Variants in SFXN2 observed in about 807,000 individuals in gnomAD.
The protein encoded by SFXN2 is sideroflexin-2.
A neutral mutation model predicts 41.9 loss-of-function variants in SFXN2; 37 were observed. The observed-to-expected ratio is 0.88, with a 90% CI of 0.68 to 1.16. The LOEUF (loss-of-function observed/expected upper bound fraction) is 1.16. Among genes scored for constraint, SFXN2 ranks in the 50% most tolerant of loss-of-function variants. The pLI, the probability that SFXN2 is intolerant of heterozygous loss-of-function variation, is 0.00. For missense variants in SFXN2, 386 were observed against 425.2 expected (o/e 0.91, Z 0.81); for synonymous variants, 150 against 156.7 (o/e 0.96, Z 0.32).
rs546099611 is a variant in SFXN2, at chr10:102,742,853, T to G, written c.*5091T>G. The G allele has an allele frequency of 6.6e-6, 1 of 152,236 alleles. No individual in the cohort carries two copies. Among genetic ancestry groups the G allele is most frequent in the Non-Finnish European group, 1.5e-5 (1 of 68,054 alleles). 9.4% of individuals were successfully genotyped at this position (152,236 alleles called of 1,614,324 possible). ...AAAGAAGAAGAAGAAAGACCTGGTA[T>G]GCTGTACAAAAAACTGCAAACCAGG... is the stretch of plus-strand genomic sequence containing the variant. On this transcript the variant is annotated 3_prime_UTR_variant, in exon 12 of 12. Transcript: ENST00000369893.
At position 102,735,881 on chromosome 10, in the gene SFXN2, G is replaced by A. The variant is rs573625364; in HGVS notation, c.841G>A (p.Val281Met). Residue 281 changes from valine (V) to methionine (M), a missense_variant, in exon 11 of 12, where the codon GTG becomes ATG. Physicochemically the swap from Val to Met is conservative, Grantham distance 21. Transcript: ENST00000369893. ...SGCFLIFMVP[V>M]ACGLFPQKCE... ...TTGCAGCCTCATCTTCATGGTGCCA[G>A]TGGCGTGTGGGCTTTTCCCACAGAA... The A allele has an allele frequency of 3.1e-5, 50 of 1,614,164 alleles. No homozygotes were observed. The Middle Eastern group carries it at 8.2e-4, about 27-fold the overall frequency.
rs999175115 is a variant in SFXN2, at chr10:102,742,928, G to C, written c.*5166G>C. On this transcript the variant is annotated 3_prime_UTR_variant, in exon 12 of 12. Coordinates refer to ENST00000369893, the MANE Select transcript of SFXN2 (RefSeq NM_178858.6). ...ATCCAGAAGAAGCAGCAAGGAGATG[G>C]GGCTAGGAGTTTGTAAGCAGGGAAC... is the stretch of plus-strand genomic sequence containing the variant. The C allele has an allele frequency of 2.6e-5, 4 of 152,224 alleles. No homozygotes were observed. The highest frequency in any genetic ancestry group is 6.5e-5 in the Admixed American group (1 of 15,276). 9.4% of individuals were successfully genotyped at this position (152,224 alleles called of 1,614,324 possible). A position where few individuals can be genotyped will look rare whatever the true frequency, so the allele number is the denominator to read the frequency against.
chr10:102,724,381 GATTTCCAAC>G (rs1165207799), intron 1 of SFXN2, among the ~76,000 whole-genome samples: 1 of 152,110 alleles, frequency 6.6e-6, no homozygotes, highest in Non-Finnish European at 1.5e-5. Flanking sequence ...CAGTATTTTT[GATTTCCAAC>G]ATTTCCTTTT....
intron 1 of SFXN2, chr10:102,714,999 A>C (rs1201971215): frequency 6.6e-6 from 1 of 152,520 alleles, no homozygotes; most frequent in Non-Finnish European, 1.5e-5. Flanking sequence ...CCCTGAGGTG[A>C]GCTGAAAGCA....
chr10:102,729,573 T>G, intron 5 of SFXN2, 150 bp from the exon 6 acceptor site: 1 of 1,102,540 alleles, frequency 9.1e-7, no homozygotes, highest in Non-Finnish European at 1.3e-6. Context: ...TCTTGGGCCT[T>G]TGAGGGAGTT....
chr10:102,733,442 C>T, intron 9 of SFXN2, 112 bp from the exon 10 acceptor site: 1 of 843,570 alleles, frequency 1.2e-6, no homozygotes, highest in South Asian at 1.5e-5. Flanking sequence ...GCCACTGCGC[C>T]CAGCCACCTG....
At chr10:102,721,658 T>A (rs1367228014) in intron 1 of SFXN2, among the ~76,000 whole-genome samples, 1 of 148,648 alleles carries the variant, frequency 6.7e-6, no homozygotes, top group Non-Finnish European at 1.5e-5. Flanking sequence ...TATATTATAG[T>A]ATACAAATAT....
rs553048966 is a variant in SFXN2, at chr10:102,740,958, C to T, written c.*3196C>T. On this transcript the variant is annotated 3_prime_UTR_variant, in exon 12 of 12. Transcript: ENST00000369893. ...TCAAGCCTCTTGGATTTCCTGTTCT[C>T]TTATAGACAACTGCTCTTTTGGAAA... 7 of 152,304 alleles carry T rather than the reference C, an allele frequency of 4.6e-5. No homozygotes were observed. The highest frequency in any genetic ancestry group is 1.7e-4 in the African/African-American group (7 of 41,560). The allele number at this position is 152,304 out of a possible 1,614,324, so 9.4% of individuals were successfully genotyped here. A position where few individuals can be genotyped will look rare whatever the true frequency, so the allele number is the denominator to read the frequency against.
Position 102,715,512 on chromosome 10 carries a change from A to C in SFXN2, c.-26+831A>C, listed in dbSNP as rs568011375. Among the ~76,000 whole-genome samples, 10 of 152,302 alleles carry C rather than the reference A, an allele frequency of 6.6e-5. No individual in the cohort carries two copies. The South Asian group carries it at 2.1e-3, about 32-fold the overall frequency. On this transcript the variant is annotated intron_variant, in intron 1 of 11. Coordinates refer to ENST00000369893, the MANE Select transcript of SFXN2 (RefSeq NM_178858.6). ...TCCCTTTCCCGATGCAGAGGACTAT[A>C]AGAAGAGTTTACACAAACGTGCTAG...
Position 102,731,824 on chromosome 10 carries a change from C to T in SFXN2, c.654+41C>T, listed in dbSNP as rs199832275. On this transcript the variant is annotated intron_variant, in intron 7 of 11. Transcript: ENST00000369893. Reference sequence around the variant, plus strand: ...CCTTTGGGGTGGGAGGAGGGAATTCCCTCTCATACCCTGTCCCCTCCTTAG... The same window carrying T: ...CCTTTGGGGTGGGAGGAGGGAATTCTCTCTCATACCCTGTCCCCTCCTTAG... The T allele has an allele frequency of 3.2e-6, 5 of 1,562,972 alleles. No individual in the cohort carries two copies. The East Asian group carries it at 1.1e-4, about 35-fold the overall frequency.
chr10:102,729,697 C>T, intron 5 of SFXN2, 26 bp from the exon 6 acceptor site: 1 of 1,612,230 alleles, frequency 6.2e-7, no homozygotes, highest in Admixed American at 1.7e-5. Context: ...TTCTGAACAA[C>T]TCCTACTGTT....
At chr10:102,736,847 C>T (rs1042673562) in intron 11 of SFXN2, among the ~76,000 whole-genome samples, 6 of 151,292 alleles carry the variant, frequency 4.0e-5, no homozygotes, top group African/African-American at 7.3e-5. Context: ...CACCGTTCCC[C>T]GTTGGTCGTT....
At chr10:102,736,261 T>G (rs1679731673) in intron 11 of SFXN2, among the ~76,000 whole-genome samples, 1 of 152,022 alleles carries the variant, frequency 6.6e-6, no homozygotes, top group Non-Finnish European at 1.5e-5. Flanking sequence ...AACTTTTTTT[T>G]TTTTCTTTTT....
intron 1 of SFXN2, among the ~76,000 whole-genome samples, chr10:102,720,547 G>A (rs1207603197): frequency 6.6e-6 from 1 of 151,730 alleles, no homozygotes; most frequent in Non-Finnish European, 1.5e-5. Context: ...GGTGGAGGCT[G>A]GAGTAGTGAG....
chr10:102,718,711 T>G (rs150853321), intron 1 of SFXN2, among the ~76,000 whole-genome samples: 1 of 152,280 alleles, frequency 6.6e-6, no homozygotes, highest in East Asian at 1.9e-4. Context: ...CATATCAGCT[T>G]CCTGATGTCT....
Position 102,737,827 on chromosome 10 carries a change from C to T in SFXN2, c.*65C>T, listed in dbSNP as rs1036796247. On this transcript the variant is annotated 3_prime_UTR_variant, in exon 12 of 12. Coordinates refer to ENST00000369893, the MANE Select transcript of SFXN2 (RefSeq NM_178858.6). ...ACCAGCTCCTCCTTAGCTACGTGCA[C>T]ACTTGTGTCCTCCTTCCCCTTTGCC... 3.8e-5 allele frequency: 44 copies of T among 1,143,472 alleles called. No homozygotes were observed. In the Admixed American group the frequency reaches 8.2e-4, roughly 21 times the overall value. 70.8% of individuals were successfully genotyped at this position (1,143,472 alleles called of 1,614,324 possible).
chr10:102,715,567 G>A (rs1175491032), intron 1 of SFXN2, among the ~76,000 whole-genome samples: 1 of 152,206 alleles, frequency 6.6e-6, no homozygotes, highest in South Asian at 2.1e-4. Flanking sequence ...AGACACAGCA[G>A]TGGACAAAAT....
At chr10:102,726,581 GGGACA>G in intron 1 of SFXN2, 26 bp from the exon 2 acceptor site, 1 of 1,601,828 alleles carries the variant, frequency 6.2e-7, no homozygotes, top group Non-Finnish European at 8.5e-7. Context: ...TTTGATTTAG[GGGACA>G]GTCATCTTCT....
intron 1 of SFXN2, chr10:102,724,891 T>C (rs1464655806): frequency 6.6e-6 from 1 of 150,432 alleles, no homozygotes. Flanking sequence ...ATTCTGATAC[T>C]TGGCCTGTTT....
Sources: gnomAD v4.1 joint callset for allele counts (sites outside exome capture counted in the v4.1 genomes callset) on GRCh38, gnomAD v4.1.1 for gene constraint, MANE v1.5 for transcripts, NCBI Gene and HGNC (gene_info 2026-07-23, HGNC 2026-07-21) for gene names.